DDX55: variants seen among roughly 807,000 people sequenced by gnomAD.
DDX55 encodes DEAD-box helicase 55, also known as ATP-dependent RNA helicase DDX55.
A neutral mutation model predicts 69.2 loss-of-function variants in DDX55; 56 were observed. That is an observed-to-expected ratio of 0.81 (90% CI 0.65 to 1.01). DDX55 has a LOEUF of 1.01. Among genes scored for constraint, DDX55 ranks in the 50% least tolerant of loss-of-function variants. The pLI is 0.00. For synonymous variants in DDX55, 268 were observed against 273.1 expected, an observed-to-expected ratio of 0.98 and a Z score of 0.18; for missense variants, 720 against 745.1, an observed-to-expected ratio of 0.97 and a Z score of 0.39.
chr12:123,610,170 G>A lies in DDX55; in HGVS notation c.741+42G>A, dbSNP rs954720225. Reference sequence around the variant, plus strand: ...GCTTCTTACTCAGCGATAATGACCAGTGCTCATTTTATGGAAATTGTACTG... The same window carrying A: ...GCTTCTTACTCAGCGATAATGACCAATGCTCATTTTATGGAAATTGTACTG... On this transcript the variant is annotated intron_variant, in intron 7 of 13. Transcript: ENST00000238146. 1.1e-5 allele frequency: 17 copies of A among 1,579,154 alleles called. No homozygotes were observed. In the African/African-American group the frequency reaches 1.9e-4, roughly 18 times the overall value.
In DDX55 at chr12:123,607,909, C is replaced by T. The variant is rs527817632; in HGVS notation, c.401+247C>T. On this transcript the variant is annotated intron_variant, in intron 5 of 13. Transcript: ENST00000238146. Reference sequence around the variant, plus strand: ...AACGACGTGAAGATAAATGAGTGGTCAGGGGCTGGGGGATGGTGAGGAACT... The same window carrying T: ...AACGACGTGAAGATAAATGAGTGGTTAGGGGCTGGGGGATGGTGAGGAACT... 3.3e-5 allele frequency: 18 copies of T among 553,776 alleles called. No individual in the cohort carries two copies. The South Asian group carries it at 3.7e-4, about 11-fold the overall frequency. The allele number at this position is 553,776 out of a possible 1,614,324, so 34.3% of individuals were successfully genotyped here.
intron 1 of DDX55, among the ~76,000 whole-genome samples, chr12:123,602,968 G>A (rs576710983): frequency 1.3e-5 from 2 of 152,324 alleles, no homozygotes; most frequent in South Asian, 4.1e-4. Context: ...TGACTAGGGG[G>A]AGATTATTCC....
chr12:123,619,109 TCTC>T (rs1224699150), intron 12 of DDX55, among the ~76,000 whole-genome samples: 2 of 152,236 alleles, frequency 1.3e-5, no homozygotes, highest in Non-Finnish European at 1.5e-5. Flanking sequence ...TTCACGCCAT[TCTC>T]CTGTCTCAGC....
intron 6 of DDX55, among the ~76,000 whole-genome samples, chr12:123,609,322 G>C (rs771954071): frequency 1.3e-5 from 2 of 149,158 alleles, no homozygotes; most frequent in Non-Finnish European, 3.0e-5. Flanking sequence ...TCTACCACGT[G>C]ATTTTATTCC....
chr12:123,617,407 T>C (rs1489106583), intron 10 of DDX55, among the ~76,000 whole-genome samples: 1 of 152,204 alleles, frequency 6.6e-6, no homozygotes, highest in East Asian at 1.9e-4. Context: ...AACCCCCAAG[T>C]GTTGATGATT....
rs1491406627 is a variant in DDX55, at chr12:123,620,580, T to TTTATATA, written c.*441_*442insTATATAT. 1 of 65,352 alleles carries TTTATATA rather than the reference T, an allele frequency of 1.5e-5. No homozygotes were observed. Among genetic ancestry groups the TTTATATA allele is most frequent in the Non-Finnish European group, 2.8e-5 (1 of 35,930 alleles). The allele number at this position is 65,352 out of a possible 1,614,324, so 4.0% of individuals were successfully genotyped here. A position where few individuals can be genotyped will look rare whatever the true frequency, so the allele number is the denominator to read the frequency against. ...GGTCACATATAGACATATGTACATA[T>TTTATATA]TATATATATATATATATATATATAT... On this transcript the variant is annotated 3_prime_UTR_variant, in exon 14 of 14. Coordinates refer to ENST00000238146, the MANE Select transcript of DDX55 (RefSeq NM_020936.3).
At chr12:123,619,032 G>T (rs66694750) in intron 12 of DDX55, among the ~76,000 whole-genome samples, 195 bp downstream of exon 12, 45,515 of 152,130 alleles carry the variant, frequency 0.3, 7,538 homozygotes, top group African/African-American at 0.42. Flanking sequence ...AGACAGAGTC[G>T]CGCTTTGTCA....
In DDX55 at chr12:123,607,581, G is replaced by A. The variant is rs776566785; in HGVS notation, c.339-19G>A. 1.2e-6 allele frequency: 2 copies of A among 1,614,072 alleles called. No individual in the cohort carries two copies. The highest frequency in any genetic ancestry group is 1.1e-5 in the South Asian group (1 of 91,082). On this transcript the variant is annotated intron_variant, in intron 4 of 13. Coordinates refer to ENST00000238146, the MANE Select transcript of DDX55 (RefSeq NM_020936.3). ...GGCTGTTTTGTCGAACTTAATCAAA[G>A]GCTGTTTTCTTGTTGTAGCCAGATT...
Position 123,610,036 on chromosome 12 carries a change from C to CTCCGGAACCCTG in DDX55, c.655_666dup (p.Asn219_Arg222dup). The CTCCGGAACCCTG allele has an allele frequency of 6.2e-7, 1 of 1,614,146 alleles. No individual in the cohort carries two copies. Among genetic ancestry groups the CTCCGGAACCCTG allele is most frequent in the Non-Finnish European group, 8.5e-7 (1 of 1,180,024 alleles). ...AGTGGAGAACCTGGTGAGAGCGGGCCTCCGGAACCCTGTCCGGGTCTCAGT... is the reference window on the plus strand; with the variant it reads ...AGTGGAGAACCTGGTGAGAGCGGGCCTCCGGAACCCTGTCCGGAACCCTGTCCGGGTCTCAGT... On this transcript the variant is annotated inframe_insertion, in exon 7 of 14. Coordinates refer to ENST00000238146, the MANE Select transcript of DDX55 (RefSeq NM_020936.3).
intron 7 of DDX55, among the ~76,000 whole-genome samples, chr12:123,612,493 C>T (rs528655069): frequency 2.5e-4 from 38 of 152,222 alleles, no homozygotes; most frequent in Non-Finnish European, 5.1e-4. Context: ...GTGGGGTCTG[C>T]GTCCATGGAG....
At chr12:123,604,713 G>C (rs971073785) in intron 1 of DDX55, among the ~76,000 whole-genome samples, 5 of 152,002 alleles carry the variant, frequency 3.3e-5, no homozygotes, top group African/African-American at 9.7e-5. Flanking sequence ...TTTAAATATT[G>C]ACTAAATGTG....
At chr12:123,604,649 TAAC>T (rs1163983467) in intron 1 of DDX55, among the ~76,000 whole-genome samples, 1 of 152,124 alleles carries the variant, frequency 6.6e-6, no homozygotes, top group African/African-American at 2.4e-5. Context: ...GAGTATCAAA[TAAC>T]ACACTAGATT....
intron 7 of DDX55, among the ~76,000 whole-genome samples, 164 bp from the exon 8 acceptor site, chr12:123,613,006 G>C (rs1173363888): frequency 6.6e-6 from 1 of 151,994 alleles, no homozygotes; most frequent in East Asian, 1.9e-4. Context: ...AGCACATGTT[G>C]ATATTTATTC....
intron 7 of DDX55, 152 bp from the exon 8 acceptor site, chr12:123,613,018 G>C: frequency 1.4e-6 from 1 of 711,618 alleles, no homozygotes; most frequent in East Asian, 2.7e-5. Flanking sequence ...TATTTATTCT[G>C]AGCTAGGTAG....
In DDX55 at chr12:123,617,826, T is replaced by C. The variant is rs2135742768; in HGVS notation, c.1118T>C (p.Leu373Pro). The change falls in exon 11 of 14, where the codon CTG becomes CCG. Residue 373 changes from leucine to proline, a missense_variant. By Grantham distance (98) the Leu-to-Pro change is moderately conservative (BLOSUM62 -3). Transcript: ENST00000238146. The part of the protein sequence containing the change: ...GHGGSALVFL[L>P]PMEESYINFL... ...GGGGGCAGCGCTCTGGTGTTCCTCC[T>C]GCCCATGGAAGAGTCATACATCAAT... 2 of 1,614,164 alleles carry C rather than the reference T, an allele frequency of 1.2e-6. No homozygotes were observed.
chr12:123,613,046 C>T, intron 7 of DDX55, 124 bp from the exon 8 acceptor site: 1 of 949,520 alleles, frequency 1.1e-6, no homozygotes, highest in Non-Finnish European at 1.6e-6. Context: ...AACATTCCGA[C>T]TAAAGTCTGT....
chr12:123,609,078 C>T (rs997648516), intron 6 of DDX55, among the ~76,000 whole-genome samples: 4 of 152,038 alleles, frequency 2.6e-5, no homozygotes, highest in Admixed American at 6.6e-5. Flanking sequence ...ATCAGCCTCC[C>T]GGGTAGCTGG....
intron 10 of DDX55, among the ~76,000 whole-genome samples, chr12:123,617,485 T>C (rs2135740967): frequency 6.6e-6 from 1 of 152,402 alleles, no homozygotes; most frequent in South Asian, 2.1e-4. Context: ...GATTTTCCAC[T>C]GGGGACTATG....
chr12:123,609,041 C>T (rs1233376089), intron 6 of DDX55, among the ~76,000 whole-genome samples: 1 of 152,074 alleles, frequency 6.6e-6, no homozygotes, highest in Admixed American at 6.5e-5. Context: ...GCAGCCTCAA[C>T]CTCTCGGGCT....
Sources: gnomAD v4.1 joint callset for allele counts (sites outside exome capture counted in the v4.1 genomes callset) on GRCh38, gnomAD v4.1.1 for gene constraint, MANE v1.5 for transcripts, NCBI Gene and HGNC (gene_info 2026-07-23, HGNC 2026-07-21) for gene names.